PARD3B: variants seen among roughly 807,000 people sequenced by gnomAD.
PARD3B encodes par-3 family cell polarity regulator beta.
A neutral mutation model predicts 130.2 loss-of-function variants in PARD3B; 103 were observed. The observed-to-expected ratio is 0.79, with a 90% CI of 0.67 to 0.93. PARD3B has a LOEUF of 0.93. Among genes scored for constraint, PARD3B ranks in the 40% least tolerant of loss-of-function variants. PARD3B has a pLI of 0.00. For synonymous variants in PARD3B, 583 were observed against 553.2 expected (o/e 1.05, Z -0.76); for missense variants, 1,609 against 1,499.2 (o/e 1.07, Z -1.21).
At chr2:204,800,420 A>G (rs2042527006) in intron 2 of PARD3B, among the ~76,000 whole-genome samples, 1 of 151,908 alleles carries the variant, frequency 6.6e-6, no homozygotes, top group Admixed American at 6.5e-5. Context: ...TGGCCTCAAA[A>G]AGTCAGTAGA....
chr2:204,864,052 T>C (rs944628192), intron 2 of PARD3B, among the ~76,000 whole-genome samples: 1 of 152,202 alleles, frequency 6.6e-6, no homozygotes, highest in Non-Finnish European at 1.5e-5. Context: ...TTCATCTTGA[T>C]AGCGCTTCAC....
intron 2 of PARD3B, among the ~76,000 whole-genome samples, chr2:204,910,867 C>T (rs955793795): frequency 2.0e-5 from 3 of 152,148 alleles, no homozygotes; most frequent in African/African-American, 7.2e-5. Flanking sequence ...TGGTCTCGAT[C>T]TCCTGACCCT....
At chr2:204,992,119 T>A (rs1257611728) in intron 3 of PARD3B, among the ~76,000 whole-genome samples, 1 of 151,664 alleles carries the variant, frequency 6.6e-6, no homozygotes, top group Non-Finnish European at 1.5e-5. Context: ...TTGTTGCCAT[T>A]GCTTTTGGTG....
Position 205,325,526 on chromosome 2 carries a change from T to TAGTAG in PARD3B, c.2630+23825_2630+23826insAGTAG, listed in dbSNP as rs138057848. Among the ~76,000 whole-genome samples, 3 of 150,522 alleles carry TAGTAG rather than the reference T, an allele frequency of 2.0e-5. No individual in the cohort carries two copies. The highest frequency in any genetic ancestry group is 7.3e-5 in the African/African-American group (3 of 40,888). ...TTTACTAATATCATCTCATTGTTTA[T>TAGTAG]TAGTAGTAGTAGTAGTAGTAGTCTC... On this transcript the variant is annotated intron_variant, in intron 18 of 22. Transcript: ENST00000406610. The surrounding 1 kb of genome is among the most constrained non-coding windows in gnomAD (Gnocchi z 4.1).
chr2:204,898,773 T>C (rs1012787581), intron 2 of PARD3B, among the ~76,000 whole-genome samples: 1 of 152,210 alleles, frequency 6.6e-6, no homozygotes, highest in Non-Finnish European at 1.5e-5. Flanking sequence ...TTGTATCTAA[T>C]AATATTTGCT....
intron 18 of PARD3B, among the ~76,000 whole-genome samples, chr2:205,330,432 C>T (rs1024282095): frequency 6.6e-6 from 1 of 152,156 alleles, no homozygotes; most frequent in African/African-American, 2.4e-5. Context: ...CAACAACAGC[C>T]AGCCCTCAGG....
At chr2:205,535,934 T>C (rs1438128374) in intron 21 of PARD3B, among the ~76,000 whole-genome samples, 1 of 152,218 alleles carries the variant, frequency 6.6e-6, no homozygotes, top group African/African-American at 2.4e-5. Flanking sequence ...TTTCTGGTTA[T>C]AAACATGCCA....
Position 205,269,478 on chromosome 2 carries a change from A to T in PARD3B, c.2185+23656A>T, listed in dbSNP as rs1249155269. 6.6e-6 allele frequency among the ~76,000 whole-genome samples: 1 copy of T among 152,154 alleles called. No homozygotes were observed. The highest frequency in any genetic ancestry group is 1.9e-4 in the East Asian group (1 of 5,204). On this transcript the variant is annotated intron_variant, in intron 16 of 22. Coordinates refer to ENST00000406610, the MANE Select transcript of PARD3B (RefSeq NM_001302769.2). The surrounding 1 kb of genome is among the most constrained non-coding windows in gnomAD (Gnocchi z 4.7). ...AAAGCAAAGTTAGTACCTTGTTAAG[A>T]TTTCCAAGAACTTTTATATTCAGGA... is the stretch of plus-strand genomic sequence containing the variant.
chr2:204,743,915 G>T (rs2040111060), intron 2 of PARD3B, among the ~76,000 whole-genome samples: 1 of 152,024 alleles, frequency 6.6e-6, no homozygotes, highest in East Asian at 1.9e-4. Context: ...TTGGCTCTTT[G>T]GTTGGTTCTA....
intron 1 of PARD3B, among the ~76,000 whole-genome samples, chr2:204,651,739 T>C (rs2035485978): frequency 6.6e-6 from 1 of 152,204 alleles, no homozygotes; most frequent in Non-Finnish European, 1.5e-5. Flanking sequence ...TCCATGAGGT[T>C]TCTGTCCCTG....
rs528188920 is a variant in PARD3B, at chr2:205,229,964, A to G, written c.2141-15814A>G. 6.7e-6 allele frequency among the ~76,000 whole-genome samples: 1 copy of G among 149,144 alleles called. No homozygotes were observed. Among genetic ancestry groups the G allele is most frequent in the Non-Finnish European group, 1.5e-5 (1 of 67,352 alleles). On this transcript the variant is annotated intron_variant, in intron 15 of 22. Transcript: ENST00000406610. The surrounding 1 kb of genome is among the most constrained non-coding windows in gnomAD (Gnocchi z 5.2). ...GGCAAGTACTGCCTGTCTACCACTG[A>G]TGCTCATTCCAGGTCTAAGGACTCT...
Position 205,217,890 on chromosome 2 carries a change from A to ATTT in PARD3B, c.2140+24571_2140+24572insTTT, listed in dbSNP as rs1278697689. Among the ~76,000 whole-genome samples the ATTT allele has an allele frequency of 8.3e-4, 35 of 42,078 alleles. 3 individuals carry two copies. Among genetic ancestry groups the ATTT allele is most frequent in the East Asian group, 8.0e-3 (3 of 374 alleles). 27.6% of individuals were successfully genotyped at this position (42,078 alleles called of 152,430 possible). ...TGTGTATATATATATATATATATAT[A>ATTT]TATATTTTTTTTTTTATTTTTTTGA... On this transcript the variant is annotated intron_variant, in intron 15 of 22. Coordinates refer to ENST00000406610, the MANE Select transcript of PARD3B (RefSeq NM_001302769.2).
intron 18 of PARD3B, among the ~76,000 whole-genome samples, chr2:205,361,334 T>C (rs2044382164): frequency 6.6e-6 from 1 of 152,152 alleles, no homozygotes; most frequent in African/African-American, 2.4e-5. Context: ...GCCATACCTC[T>C]GGAATCACCC....
At chr2:205,275,698 A>C (rs2040916030) in intron 16 of PARD3B, among the ~76,000 whole-genome samples, 1 of 151,798 alleles carries the variant, frequency 6.6e-6, no homozygotes, top group Non-Finnish European at 1.5e-5. Context: ...TTAGCCGGGC[A>C]TGGTGGCAGG....
intron 3 of PARD3B, among the ~76,000 whole-genome samples, chr2:205,017,096 T>G (rs1410709290): frequency 6.6e-6 from 1 of 152,076 alleles, no homozygotes; most frequent in Non-Finnish European, 1.5e-5. Context: ...CATTATGGTT[T>G]GACGAAAAAC....
At chr2:204,977,230 A>T (rs1462404716) in intron 3 of PARD3B, among the ~76,000 whole-genome samples, 1 of 152,094 alleles carries the variant, frequency 6.6e-6, no homozygotes, top group Non-Finnish European at 1.5e-5. Flanking sequence ...TTTATCTTCA[A>T]CTCAAGTATT....
intron 1 of PARD3B, among the ~76,000 whole-genome samples, chr2:204,619,505 A>G (rs2034223797): frequency 6.6e-6 from 1 of 152,206 alleles, no homozygotes; most frequent in East Asian, 1.9e-4. Context: ...CATGACAAAA[A>G]TAAGAGCAAA....
At chr2:204,621,096 C>G (rs2034285508) in intron 1 of PARD3B, among the ~76,000 whole-genome samples, 1 of 152,116 alleles carries the variant, frequency 6.6e-6, no homozygotes, top group Non-Finnish European at 1.5e-5. Context: ...GGAATTCTAA[C>G]TTCAGTAGCA....
At chr2:204,724,869 G>A (rs2039155482) in intron 2 of PARD3B, among the ~76,000 whole-genome samples, 1 of 152,074 alleles carries the variant, frequency 6.6e-6, no homozygotes, top group Admixed American at 6.6e-5. Context: ...AAGACAGGAT[G>A]GCTGTGGGTT....
Sources: allele counts gnomAD v4.1 joint callset (sites outside exome capture counted in the v4.1 genomes callset), GRCh38; gene constraint gnomAD v4.1.1; non-coding constraint Gnocchi (gnomAD v3.1); transcripts MANE v1.5; gene names NCBI Gene and HGNC (gene_info 2026-07-23, HGNC 2026-07-21).